The following STAT5B variants were observed in gnomAD, a reference collection of about 807,000 sequenced individuals.
STAT5B encodes the protein signal transducer and activator of transcription 5B.
In STAT5B, 21 loss-of-function variants were observed where a neutral mutation model predicts 107.8. That is an observed-to-expected ratio of 0.19 (90% CI 0.14 to 0.28). The LOEUF is 0.28. STAT5B is among the 10% of genes least tolerant of loss of function. The pLI is 1.00. For missense variants in STAT5B, 565 were observed against 1,008.2 expected, an observed-to-expected ratio of 0.56 and a Z score of 5.95; for synonymous variants, 325 against 401.7, an observed-to-expected ratio of 0.81 and a Z score of 2.28.
At chr17:42,238,752 A>T (rs1463194120) in intron 1 of STAT5B, among the ~76,000 whole-genome samples, 2 of 151,512 alleles carry the variant, frequency 1.3e-5, no homozygotes, top group Admixed American at 6.6e-5. Context: ...CTTTTAAAAG[A>T]TGGCATTCCT....
intron 1 of STAT5B, among the ~76,000 whole-genome samples, chr17:42,247,607 C>T (rs2080462469): frequency 6.6e-6 from 1 of 152,076 alleles, no homozygotes; most frequent in Non-Finnish European, 1.5e-5. Flanking sequence ...TTAAGTAAAA[C>T]AAGTCCTGCA....
chr17:42,279,311 C>T (rs564179000), upstream of STAT5B, among the ~76,000 whole-genome samples: 1 of 152,160 alleles, frequency 6.6e-6, no homozygotes, highest in Non-Finnish European at 1.5e-5. Context: ...CAGTACCTAC[C>T]TCATCGGGTT....
At position 42,201,149 on chromosome 17, in the gene STAT5B, G is replaced by C. The variant is rs2080040347; in HGVS notation, c.*589C>G. 3 of 407,170 alleles carry C rather than the reference G, an allele frequency of 7.4e-6. No homozygotes were observed. Among genetic ancestry groups the C allele is most frequent in the Non-Finnish European group, 1.3e-5 (3 of 230,898 alleles). The allele number at this position is 407,170 out of a possible 1,614,324, so 25.2% of individuals were successfully genotyped here. On this transcript the variant is annotated 3_prime_UTR_variant, in exon 19 of 19. Coordinates refer to ENST00000293328, the MANE Select transcript of STAT5B (RefSeq NM_012448.4). ...TTCCCTTGCCCCAACAATCTTTGTA[G>C]GTTGCCCCTTTTCCCATTCCTACCC...
Position 42,207,736 on chromosome 17 carries a change from A to G in STAT5B, c.1907-8T>C. 1.2e-6 allele frequency: 2 copies of G among 1,614,120 alleles called. No homozygotes were observed. The highest frequency in any genetic ancestry group is 1.7e-6 in the Non-Finnish European group (2 of 1,179,978). On this transcript the variant is annotated splice_region_variant and splice_polypyrimidine_tract_variant and intron_variant, in intron 15 of 18. Transcript: ENST00000293328. ...TCCAAAACATTCTTTCCTCTAGATC[A>G]ATAAACAGAACAATCACATTCTAAA...
At chr17:42,216,942 G>A (rs926513904) in intron 11 of STAT5B, among the ~76,000 whole-genome samples, 6 of 152,062 alleles carry the variant, frequency 3.9e-5, no homozygotes, top group Non-Finnish European at 8.8e-5. Context: ...ACCTACCAAA[G>A]TGCTGGGATT....
At position 42,201,810 on chromosome 17, in the gene STAT5B, G is replaced by A. The variant is rs146467656; in HGVS notation, c.2292C>T (p.Asp764=). The A allele has an allele frequency of 6.4e-5, 103 of 1,614,080 alleles. No homozygotes were observed. In the African/African-American group the frequency reaches 1.1e-3, roughly 17 times the overall value. The part of the protein sequence containing the change: ...DGDFDLEDTM[D]VARRVEELLG... ...GGAGCTCCTCCACACGCCGCGCTAC[G>A]TCCATTGTGTCCTCCAGATCGAAGT... The change falls in exon 19 of 19, where the codon GAC becomes GAT. Residue 764 remains aspartate, a synonymous_variant. Transcript: ENST00000293328.
At chr17:42,256,992 A>T (rs1373986728) in intron 1 of STAT5B, among the ~76,000 whole-genome samples, 1 of 151,916 alleles carries the variant, frequency 6.6e-6, no homozygotes, top group Non-Finnish European at 1.5e-5. Flanking sequence ...GGAAAAAACA[A>T]TATATATATG....
chr17:42,285,894 A>T, the STAT5B span, among the ~76,000 whole-genome samples: 2 of 152,072 alleles, frequency 1.3e-5, no homozygotes, highest in Non-Finnish European at 2.9e-5. Flanking sequence ...TGGAGACCTA[A>T]GGAGACAAGG....
Position 42,200,372 on chromosome 17 carries a change from C to G in STAT5B, c.*1366G>C, listed in dbSNP as rs549947506. The G allele has an allele frequency of 2.8e-3, 426 of 152,678 alleles. 1 individual carries two copies. Among genetic ancestry groups the G allele is most frequent in the Non-Finnish European group, 4.0e-3 (269 of 68,034 alleles). 9.5% of individuals were successfully genotyped at this position (152,678 alleles called of 1,614,324 possible). ...CTATTTTAATACACCTGCTCACCCC[C>G]CTCTTCCTCCACTACCTGCTGTAGC... On this transcript the variant is annotated 3_prime_UTR_variant, in exon 19 of 19. Coordinates refer to ENST00000293328, the MANE Select transcript of STAT5B (RefSeq NM_012448.4).
chr17:42,262,924 ATATATATATGTATATATATG>A (rs1248752118), intron 1 of STAT5B, among the ~76,000 whole-genome samples: 1 of 73,270 alleles, frequency 1.4e-5, no homozygotes, highest in African/African-American at 4.9e-5. Flanking sequence ...ATATGTGTGT[ATATATATATGTATATATATG>A]TGTGTGTGTG....
chr17:42,262,458 T>C (rs2080606985), intron 1 of STAT5B, among the ~76,000 whole-genome samples: 3 of 150,254 alleles, frequency 2.0e-5, no homozygotes, highest in Admixed American at 6.6e-5. Context: ...ATCTCTGGTA[T>C]TAGGAATGAC....
chr17:42,213,159 ATT>A (rs1371637828), intron 12 of STAT5B, among the ~76,000 whole-genome samples: 25 of 152,314 alleles, frequency 1.6e-4, no homozygotes, highest in Admixed American at 1.4e-3. Flanking sequence ...TTCTTATGTT[ATT>A]TGACCCACAG....
At chr17:42,262,645 A>T (rs1213079243) in intron 1 of STAT5B, among the ~76,000 whole-genome samples, 2 of 151,472 alleles carry the variant, frequency 1.3e-5, no homozygotes, top group African/African-American at 4.8e-5. Flanking sequence ...AAGCCAATGC[A>T]GAAAATATAT....
Position 42,223,551 on chromosome 17 carries a change from G to C in STAT5B, c.381C>G (p.Ser127Arg), listed in dbSNP as rs1394344287. 6.2e-7 allele frequency: 1 copy of C among 1,614,134 alleles called. No homozygotes were observed. Among genetic ancestry groups the C allele is most frequent in the Admixed American group, 1.7e-5 (1 of 60,018 alleles). ...CATCAGCAAGGCTTCCAGCTGGAGAGCTACCCTGGGAACATATGGGGGGCA... is the reference window on the plus strand; with the variant it reads ...CATCAGCAAGGCTTCCAGCTGGAGACCTACCCTGGGAACATATGGGGGGCA... ...QRLVREANNGSSPAGSLADAM... is the reference protein window; with the variant it reads ...QRLVREANNGRSPAGSLADAM... The change falls in exon 5 of 19, where the codon AGC becomes AGG. Residue 127 changes from serine to arginine, a missense_variant. By Grantham distance (110) the Ser-to-Arg change is moderately radical. This residue lies in a region of STAT5B where 54 missense variants were observed against 49.7 expected (regional missense o/e 1.09). Coordinates refer to ENST00000293328, the MANE Select transcript of STAT5B (RefSeq NM_012448.4).
intron 16 of STAT5B, 34 bp downstream of exon 16, chr17:42,207,524 C>CACACACACACACA: frequency 6.8e-7 from 1 of 1,471,400 alleles, no homozygotes; most frequent in African/African-American, 2.6e-5. Flanking sequence ...CACACACACA[C>CACACACACACACA]AACAAAATCA....
At chr17:42,252,977 T>A (rs1241337382) in intron 1 of STAT5B, among the ~76,000 whole-genome samples, 3 of 152,228 alleles carry the variant, frequency 2.0e-5, no homozygotes, top group Non-Finnish European at 2.9e-5. Flanking sequence ...TTACCATGTA[T>A]GCCACTAACT....
chr17:42,226,276 G>C (rs1192884412), intron 3 of STAT5B, among the ~76,000 whole-genome samples: 4 of 152,058 alleles, frequency 2.6e-5, no homozygotes, highest in Non-Finnish European at 4.4e-5. Flanking sequence ...GAAAGACAAA[G>C]TAAGGTTGCA....
intron 4 of STAT5B, among the ~76,000 whole-genome samples, chr17:42,223,973 G>A (rs752670190): frequency 2.0e-5 from 3 of 152,178 alleles, no homozygotes; most frequent in Non-Finnish European, 4.4e-5. Flanking sequence ...ATGGGGAGCA[G>A]GGCCATGTGA....
chr17:42,284,631 A>G, the STAT5B span, among the ~76,000 whole-genome samples: 1 of 152,236 alleles, frequency 6.6e-6, no homozygotes, highest in African/African-American at 2.4e-5. Context: ...CACAGAGCAC[A>G]CTGTCCCATT....
Sources: allele counts gnomAD v4.1 joint callset (sites outside exome capture counted in the v4.1 genomes callset), GRCh38; gene constraint gnomAD v4.1.1; regional missense constraint gnomAD v4.1.1; transcripts MANE v1.5; gene names NCBI Gene and HGNC (gene_info 2026-07-23, HGNC 2026-07-21).